CKMT1B: variants seen among roughly 807,000 people sequenced by gnomAD.
The protein encoded by CKMT1B is creatine kinase, mitochondrial 1B, also known as creatine kinase U-type, mitochondrial.
CKMT1B carries 13 observed loss-of-function variants against 21.8 expected under a neutral mutation model. The observed-to-expected ratio is 0.60, with a 90% confidence interval of 0.39 to 0.95. CKMT1B has a LOEUF of 0.95. Among genes scored for constraint, CKMT1B ranks in the 40% least tolerant of loss-of-function variants. The pLI, the probability that CKMT1B is intolerant of heterozygous loss-of-function variation, is 0.00. For missense variants in CKMT1B, 157 were observed against 227.5 expected (o/e 0.69, Z 1.99); for synonymous variants, 50 against 80.3 (o/e 0.62, Z 2.02).
intron 5 of CKMT1B, 21 bp from the exon 6 acceptor site, chr15:43,596,386 AC>A: frequency 6.5e-7 from 1 of 1,534,436 alleles, no homozygotes; most frequent in Non-Finnish European, 8.8e-7. Flanking sequence ...CCTCTTGATC[AC>A]TGTCCCTCTC....
At chr15:43,598,681 C>G in intron 7 of CKMT1B, 146 bp from the exon 8 acceptor site, 2 of 1,147,988 alleles carry the variant, frequency 1.7e-6, no homozygotes, top group Non-Finnish European at 2.3e-6. Flanking sequence ...AGAGAGAGAC[C>G]CTGTCTAAAA....
chr15:43,598,965 G>C lies in CKMT1B; in HGVS notation c.1137+13G>C, dbSNP rs2085631795. ...AGGCAAATCAGAGGTGAGATCCTAAGGGATTAGGACAAGGAGAGGTATAGG... is the reference window on the plus strand; with the variant it reads ...AGGCAAATCAGAGGTGAGATCCTAACGGATTAGGACAAGGAGAGGTATAGG... On this transcript the variant is annotated intron_variant, in intron 8 of 8. Transcript: ENST00000441322. 1.9e-6 allele frequency: 3 copies of C among 1,610,994 alleles called. No homozygotes were observed. The highest frequency in any genetic ancestry group is 1.1e-5 in the South Asian group (1 of 90,824).
chr15:43,597,666 C>T lies in CKMT1B; in HGVS notation c.877-527C>T, dbSNP rs183438908. On this transcript the variant is annotated intron_variant, in intron 6 of 8. Coordinates refer to ENST00000441322, the MANE Select transcript of CKMT1B (RefSeq NM_001375484.1). Reference sequence around the variant, plus strand: ...TAAGTGAAGCCAAACGCCTTCCCCCCGCCCCCTATTCCTATGAATCTGGCT... The same window carrying T: ...TAAGTGAAGCCAAACGCCTTCCCCCTGCCCCCTATTCCTATGAATCTGGCT... 106 of 937,518 alleles carry T rather than the reference C, an allele frequency of 1.1e-4. 4 individuals are homozygous for T. Among genetic ancestry groups the T allele is most frequent in the Middle Eastern group, 8.4e-4 (3 of 3,560 alleles). 58.1% of individuals were successfully genotyped at this position (937,518 alleles called of 1,614,324 possible).
intron 6 of CKMT1B, chr15:43,597,758 A>G: frequency 2.0e-6 from 2 of 996,662 alleles, no homozygotes; most frequent in Non-Finnish European, 2.5e-6. Flanking sequence ...ACAGAATGTT[A>G]TCTTACCTCT....
At chr15:43,597,849 C>T (rs1258008499) in intron 6 of CKMT1B, 10 of 1,176,000 alleles carry the variant, frequency 8.5e-6, no homozygotes, top group African/African-American at 1.7e-5. Flanking sequence ...CAAAGATAAT[C>T]GATGCATGCA....
chr15:43,598,130 G>C, intron 6 of CKMT1B, 63 bp from the exon 7 acceptor site: 9 of 1,601,152 alleles, frequency 5.6e-6, no homozygotes, highest in Non-Finnish European at 7.7e-6. Context: ...GTCTAGCTAA[G>C]GGAGGGTCCA....
intron 6 of CKMT1B, chr15:43,597,454 T>C: frequency 3.3e-6 from 4 of 1,224,362 alleles, no homozygotes; most frequent in Non-Finnish European, 4.2e-6. Context: ...AAGTGTTAGC[T>C]GCAATATTAT....
intron 6 of CKMT1B, chr15:43,597,920 G>C: frequency 7.4e-7 from 1 of 1,345,498 alleles, no homozygotes; most frequent in Non-Finnish European, 9.5e-7. Context: ...CATTTCCCTA[G>C]ATCATCCTTA....
Position 43,596,692 on chromosome 15 carries a change from G to A in CKMT1B, c.876+161G>A, listed in dbSNP as rs547616289. 1,175 of 1,120,972 alleles carry A rather than the reference G, an allele frequency of 1.0e-3. 15 individuals carry two copies. The highest frequency in any genetic ancestry group is 1.3e-3 in the Non-Finnish European group (1,051 of 800,840). The allele number at this position is 1,120,972 out of a possible 1,614,324, so 69.4% of individuals were successfully genotyped here. A position where few individuals can be genotyped will look rare whatever the true frequency, so the allele number is the denominator to read the frequency against. On this transcript the variant is annotated intron_variant, in intron 6 of 8. Coordinates refer to ENST00000441322, the MANE Select transcript of CKMT1B (RefSeq NM_001375484.1). ...AGGACTAAAGGTGTAAACCAGCTGGGACCATACTGGGAAAACCAGGACATG... is the reference window on the plus strand; with the variant it reads ...AGGACTAAAGGTGTAAACCAGCTGGAACCATACTGGGAAAACCAGGACATG...
At chr15:43,597,288 C>T in intron 6 of CKMT1B, 2 of 509,408 alleles carry the variant, frequency 3.9e-6, no homozygotes, top group Non-Finnish European at 6.2e-6. Flanking sequence ...CATATTCTGA[C>T]TATGAGTGGG....
intron 6 of CKMT1B, 133 bp downstream of exon 6, chr15:43,596,664 T>C: frequency 7.1e-7 from 1 of 1,415,874 alleles, no homozygotes; most frequent in Non-Finnish European, 9.6e-7. Context: ...TAGGACTCAC[T>C]CCAGGACTAA....
chr15:43,596,423 G>A lies in CKMT1B; in HGVS notation c.768G>A (p.Lys256=). The A allele has an allele frequency of 6.3e-7, 1 of 1,583,706 alleles. No homozygotes were observed. The highest frequency in any genetic ancestry group is 1.7e-5 in the Admixed American group (1 of 58,606). The change falls in exon 6 of 9, where the codon AAG becomes AAA. Residue 256 remains lysine (K), a synonymous_variant. Coordinates refer to ENST00000441322, the MANE Select transcript of CKMT1B (RefSeq NM_001375484.1). The part of the protein sequence containing the change: ...DARGIWHNNE[K]SFLIWVNEED... ...CGGCCCTCAGGCACAACAATGAGAAGAGCTTCCTGATCTGGGTGAATGAGG... is the reference window on the plus strand; with the variant it reads ...CGGCCCTCAGGCACAACAATGAGAAAAGCTTCCTGATCTGGGTGAATGAGG...
intron 6 of CKMT1B, among the ~76,000 whole-genome samples, chr15:43,596,795 A>G (rs1433371956): frequency 6.7e-6 from 1 of 149,850 alleles, no homozygotes; most frequent in Non-Finnish European, 1.5e-5. Context: ...GAGAGTGCAA[A>G]GAAGGAATAA....
At position 43,597,701 on chromosome 15, in the gene CKMT1B, TG is replaced by T; in HGVS notation, c.877-491del. The T allele has an allele frequency of 7.8e-6, 8 of 1,020,400 alleles. 2 individuals are homozygous for T. In the South Asian group the frequency reaches 2.2e-4, roughly 28 times the overall value. The allele number at this position is 1,020,400 out of a possible 1,614,324, so 63.2% of individuals were successfully genotyped here. A position where few individuals can be genotyped will look rare whatever the true frequency, so the allele number is the denominator to read the frequency against. ...TCCTATGAATCTGGCTTTTCTGCTC[TG>T]TTTTCATCTTTCTCTGCATTCACAC... On this transcript the variant is annotated intron_variant, in intron 6 of 8. Transcript: ENST00000441322.
chr15:43,598,740 A>G, intron 7 of CKMT1B, 87 bp from the exon 8 acceptor site: 12 of 1,473,068 alleles, frequency 8.1e-6, no homozygotes, highest in Non-Finnish European at 1.1e-5. Context: ...TTCAGGAGAC[A>G]GAGCTCTGAG....
Position 43,598,828 on chromosome 15 carries a change from A to G in CKMT1B, c.1013A>G (p.Asp338Gly). ...TCCCAATCCCTATCTCCTCTCTAGG[A>G]TAGCCGCTTCCCAAAGATCCTGGAG... ...VHIKLPLLSK[D>G]SRFPKILENL... The change falls in exon 8 of 9, where the codon GAT (aspartate) becomes GGT (glycine). Residue 338 changes from aspartate to glycine, a missense_variant and splice_region_variant. Transcript: ENST00000441322. 1.9e-6 allele frequency: 3 copies of G among 1,606,202 alleles called. No individual in the cohort carries two copies. The highest frequency in any genetic ancestry group is 2.5e-6 in the Non-Finnish European group (3 of 1,177,938).
intron 7 of CKMT1B, 107 bp from the exon 8 acceptor site, chr15:43,598,720 A>G: frequency 1.4e-6 from 2 of 1,397,092 alleles, no homozygotes; most frequent in Non-Finnish European, 1.9e-6. Context: ...AGAAAAAAGG[A>G]AAAAAAAAGT....
chr15:43,598,998 G>A (rs374279338), intron 8 of CKMT1B, 46 bp downstream of exon 8: 2 of 1,607,146 alleles, frequency 1.2e-6, no homozygotes, highest in Non-Finnish European at 1.7e-6. Context: ...AGGTCTGCGA[G>A]GGCCGAAATA....
Position 43,596,481 on chromosome 15 carries a change from G to A in CKMT1B, c.826G>A (p.Gly276Ser). 1 of 1,604,464 alleles carries A rather than the reference G, an allele frequency of 6.2e-7. No homozygotes were observed. The highest frequency in any genetic ancestry group is 2.3e-5 in the East Asian group (1 of 43,260). ...DHTRVISMEK[G>S]GNMKRVFERF... Reference sequence around the variant, plus strand: ...TACACGGGTGATCTCCATGGAGAAGGGTGGTAACATGAAGAGAGTGTTTGA... The same window carrying A: ...TACACGGGTGATCTCCATGGAGAAGAGTGGTAACATGAAGAGAGTGTTTGA... Residue 276 changes from glycine (G) to serine (S), a missense_variant, in exon 6 of 9, where the codon GGT (glycine) becomes AGT (serine). By Grantham distance (56) the Gly-to-Ser change is moderately conservative (BLOSUM62 0). Transcript: ENST00000441322.
Sources: gnomAD v4.1 joint callset for allele counts (sites outside exome capture counted in the v4.1 genomes callset) on GRCh38, gnomAD v4.1.1 for gene constraint, MANE v1.5 for transcripts, NCBI Gene and HGNC (gene_info 2026-07-23, HGNC 2026-07-21) for gene names.